Variants in TRPM3 observed in about 807,000 individuals in gnomAD.
TRPM3 encodes long transient receptor potential channel 3.
A neutral mutation model predicts 181.2 loss-of-function variants in TRPM3; 77 were observed. The observed-to-expected ratio is 0.42, with a 90% CI of 0.35 to 0.51. The LOEUF is 0.51. TRPM3 is among the 20% of genes least tolerant of loss of function. The pLI, the probability that TRPM3 is intolerant of heterozygous loss-of-function variation, is 0.01. For missense variants in TRPM3, 1,759 were observed against 2,196.7 expected (o/e 0.80, Z 3.98); for synonymous variants, 745 against 796.4 (o/e 0.94, Z 1.09).
At chr9:70,816,585 T>G (rs1362368959) in intron 6 of TRPM3, among the ~76,000 whole-genome samples, 1 of 152,360 alleles carries the variant, frequency 6.6e-6, no homozygotes, top group East Asian at 1.9e-4. Context: ...TACTGGCATG[T>G]GTAGATGACA....
Position 70,783,590 on chromosome 9 carries a change from A to G in TRPM3, c.1148+515T>C, listed in dbSNP as rs150014038. ...GAGTTTACAAAGGACCAGAGTAGTT[A>G]CCATTACAGAGATTTGACTTTCCCA... On this transcript the variant is annotated intron_variant, in intron 7 of 25. Transcript: ENST00000677713. Among the ~76,000 whole-genome samples the G allele has an allele frequency of 1.1e-3, 170 of 152,300 alleles. 1 individual carries two copies. Among genetic ancestry groups the G allele is most frequent in the Middle Eastern group, 3.4e-3 (1 of 294 alleles).
intron 1 of TRPM3, among the ~76,000 whole-genome samples, chr9:71,211,660 C>A (rs1252922152): frequency 1.3e-5 from 2 of 152,118 alleles, no homozygotes; most frequent in Non-Finnish European, 2.9e-5. Context: ...TTTGGCATGC[C>A]TTGGCTTGCA....
intron 8 of TRPM3, among the ~76,000 whole-genome samples, chr9:70,701,933 A>G (rs530032045): frequency 4.1e-4 from 59 of 143,408 alleles, no homozygotes; most frequent in Middle Eastern, 3.5e-3. Flanking sequence ...TTAAAAAGGT[A>G]GACTATCTAC....
At chr9:70,898,692 G>A (rs1323300184) in intron 1 of TRPM3, among the ~76,000 whole-genome samples, 2 of 143,442 alleles carry the variant, frequency 1.4e-5, no homozygotes, top group Non-Finnish European at 3.0e-5. Flanking sequence ...AGGTTGCACT[G>A]AGCTGAGATC....
At chr9:71,225,102 A>T (rs976284918) in intron 1 of TRPM3, among the ~76,000 whole-genome samples, 8 of 152,154 alleles carry the variant, frequency 5.3e-5, no homozygotes, top group African/African-American at 1.4e-4. Flanking sequence ...TTTAATATTG[A>T]TACACTCTAT....
rs2040763330 is a variant in TRPM3, at chr9:70,530,715, AT to A, written c.*5237del. The A allele has an allele frequency of 6.6e-6, 1 of 152,222 alleles. No individual in the cohort carries two copies. 9.4% of individuals were successfully genotyped at this position (152,222 alleles called of 1,614,324 possible). ...TTCTGAGAGGAATTAAAAGAAAAAA[AT>A]TGCTTTTCCTTAATTGGAACCAGCC... On this transcript the variant is annotated 3_prime_UTR_variant, in exon 26 of 26. Transcript: ENST00000677713.
At chr9:71,443,736 A>T (rs979282405) in intron 1 of TRPM3, among the ~76,000 whole-genome samples, 1 of 152,146 alleles carries the variant, frequency 6.6e-6, no homozygotes. Context: ...AGTCAAGTCA[A>T]GCCGACCTCC....
intron 1 of TRPM3, among the ~76,000 whole-genome samples, chr9:71,212,143 G>T (rs1301259000): frequency 3.3e-5 from 5 of 151,666 alleles, no homozygotes; most frequent in Non-Finnish European, 5.9e-5. Flanking sequence ...TTGAGAAAGG[G>T]TATCACCCTG....
chr9:70,771,415 T>C (rs1279472048), intron 7 of TRPM3, among the ~76,000 whole-genome samples: 1 of 152,108 alleles, frequency 6.6e-6, no homozygotes, highest in Non-Finnish European at 1.5e-5. Context: ...TTTTTCTTCA[T>C]TCTCTTCATT....
chr9:71,072,363 C>A (rs2062879151), intron 1 of TRPM3, among the ~76,000 whole-genome samples: 1 of 152,090 alleles, frequency 6.6e-6, no homozygotes, highest in African/African-American at 2.4e-5. Flanking sequence ...ATTTATATTT[C>A]CCTGTGAGCA....
At position 70,537,326 on chromosome 9, in the gene TRPM3, T is replaced by C. The variant is rs2042045901; in HGVS notation, c.3787A>G (p.Ile1263Val). 1.3e-6 allele frequency: 2 copies of C among 1,522,388 alleles called. No homozygotes were observed. Among genetic ancestry groups the C allele is most frequent in the Non-Finnish European group, 8.8e-7 (1 of 1,133,318 alleles). 94.3% of individuals were successfully genotyped at this position (1,522,388 alleles called of 1,614,324 possible). The change falls in exon 26 of 26, where the codon ATC (isoleucine) becomes GTC (valine). Residue 1263 changes from isoleucine to valine, a missense_variant. Transcript: ENST00000677713. ...SMKASLQTVD[I>V]RLAQLEDLIG... ...AGGTCTTCCAGCTGCGCCAGCCGGA[T>C]GTCCACGGTCTGGAGTGAAGCCTTC...
At chr9:70,901,718 A>T (rs934016112) in intron 1 of TRPM3, among the ~76,000 whole-genome samples, 6 of 152,214 alleles carry the variant, frequency 3.9e-5, no homozygotes, top group South Asian at 2.1e-4. Context: ...AATTTGAAGC[A>T]TCTGAAAGCA....
intron 1 of TRPM3, among the ~76,000 whole-genome samples, chr9:71,207,218 ATGC>A (rs1393724691): frequency 6.6e-6 from 1 of 152,150 alleles, no homozygotes; most frequent in Non-Finnish European, 1.5e-5. Flanking sequence ...TAAAAACACC[ATGC>A]TGCTAACAAT....
At chr9:71,313,307 G>A (rs753895057) in intron 1 of TRPM3, among the ~76,000 whole-genome samples, 26 of 152,074 alleles carry the variant, frequency 1.7e-4, no homozygotes, top group Admixed American at 6.5e-4. Flanking sequence ...TCACTGATAC[G>A]GATACCCAAA....
intron 1 of TRPM3, among the ~76,000 whole-genome samples, chr9:71,179,849 G>A (rs972971267): frequency 2.6e-5 from 4 of 151,990 alleles, no homozygotes; most frequent in Non-Finnish European, 5.9e-5. Flanking sequence ...AATGAAATCT[G>A]CCTCCAAAAA....
At chr9:71,411,538 T>G (rs1384925469) in intron 1 of TRPM3, among the ~76,000 whole-genome samples, 1 of 152,142 alleles carries the variant, frequency 6.6e-6, no homozygotes, top group Non-Finnish European at 1.5e-5. Context: ...GGAATCCAAC[T>G]TACAAGGGAT....
intron 1 of TRPM3, chr9:71,446,605 G>A: frequency 2.6e-6 from 4 of 1,529,960 alleles, no homozygotes; most frequent in South Asian, 1.2e-5. Context: ...AGTCGCGTGC[G>A]AAGGGAGAAA....
chr9:71,147,818 T>TG (rs1565276149), intron 1 of TRPM3, among the ~76,000 whole-genome samples: 1 of 152,146 alleles, frequency 6.6e-6, no homozygotes. Flanking sequence ...TCAGACCTCC[T>TG]GGGGGAAGCG....
In TRPM3 at chr9:70,621,231, G is replaced by T. The variant is rs749347425; in HGVS notation, c.1839+13C>A. 6.3e-7 allele frequency: 1 copy of T among 1,585,396 alleles called. No individual in the cohort carries two copies. Among genetic ancestry groups the T allele is most frequent in the Non-Finnish European group, 8.6e-7 (1 of 1,165,558 alleles). ...ATAAATCATTGACACTAATAATTTG[G>T]ACAAACACTTACCTCCATTCCCAGC... On this transcript the variant is annotated intron_variant, in intron 15 of 25. Transcript: ENST00000677713.
Sources: allele counts gnomAD v4.1 joint callset (sites outside exome capture counted in the v4.1 genomes callset), GRCh38; gene constraint gnomAD v4.1.1; transcripts MANE v1.5; gene names NCBI Gene and HGNC (gene_info 2026-07-23, HGNC 2026-07-21).